The following TLE3 variants were observed in gnomAD, a reference collection of about 807,000 sequenced individuals.
TLE3 encodes the protein transducin-like enhancer protein 3.
A neutral mutation model predicts 93.0 loss-of-function variants in TLE3; 14 were observed. That is an observed-to-expected ratio of 0.15 (90% CI 0.10 to 0.24). The LOEUF (loss-of-function observed/expected upper bound fraction) is 0.24, where lower values mean the gene tolerates loss of function less well. Ranked by LOEUF, TLE3 falls within the 10% of genes least tolerant of loss-of-function variation. The pLI is 1.00. For synonymous variants in TLE3, 451 were observed against 425.0 expected, an observed-to-expected ratio of 1.06 and a Z score of -0.75; for missense variants, 693 against 1,046.6, an observed-to-expected ratio of 0.66 and a Z score of 4.66.
chr15:70,081,352 A>G (rs1406963911), intron 4 of TLE3, among the ~76,000 whole-genome samples: 1 of 152,256 alleles, frequency 6.6e-6, no homozygotes, highest in Non-Finnish European at 1.5e-5. Flanking sequence ...AGAAGAGCCA[A>G]GCCACCTTGA....
intron 9 of TLE3, among the ~76,000 whole-genome samples, chr15:70,060,281 C>T (rs1194050008): frequency 6.6e-6 from 1 of 152,140 alleles, no homozygotes; most frequent in Admixed American, 6.5e-5. Context: ...GGGAAGAGAC[C>T]CCATGGAGGC....
chr15:70,059,539 CCTT>C, intron 9 of TLE3, 79 bp from the exon 10 acceptor site: 1 of 1,433,810 alleles, frequency 7.0e-7, no homozygotes, highest in East Asian at 2.5e-5. Context: ...ACCACCCTGT[CCTT>C]CTACTGGCCA....
Position 70,097,761 on chromosome 15 carries a change from C to T in TLE3, c.-963G>A, listed in dbSNP as rs1163606844. On this transcript the variant is annotated 5_prime_UTR_variant, in exon 1 of 20. Coordinates refer to ENST00000451782, the MANE Select transcript of TLE3 (RefSeq NM_001105192.3). ...TCTCCTCTCCGCGCCCCGGCAAACC[C>T]CCAAAACACACACACCCAACACACA... The T allele has an allele frequency of 5.1e-6, 2 of 395,000 alleles. No homozygotes were observed. Among genetic ancestry groups the T allele is most frequent in the African/African-American group, 2.1e-5 (1 of 48,476 alleles). The allele number at this position is 395,000 out of a possible 1,614,324, so 24.5% of individuals were successfully genotyped here.
chr15:70,069,771 G>A (rs1233967657), intron 6 of TLE3, among the ~76,000 whole-genome samples: 2 of 152,372 alleles, frequency 1.3e-5, no homozygotes, highest in East Asian at 1.9e-4. Context: ...AGAGTGAAAC[G>A]AAGATTTTTC....
At chr15:70,059,332 A>AAT (rs1017713375) in intron 10 of TLE3, 78 bp downstream of exon 10, 2 of 1,512,674 alleles carry the variant, frequency 1.3e-6, no homozygotes, top group Non-Finnish European at 1.8e-6. Context: ...GAACAGACAG[A>AAT]ATAGATCCCA....
rs750647772 is a variant in TLE3 at position 70,059,473 on chromosome 15, G to C, written c.715-13C>G. 1 of 1,605,356 alleles carries C rather than the reference G, an allele frequency of 6.2e-7. No individual in the cohort carries two copies. The highest frequency in any genetic ancestry group is 1.1e-5 in the South Asian group (1 of 89,162). ...CTCCATCACTGTCCTGCAACCAAGA[G>C]AGAAGCCAACTGGTCAGTAAGAGGC... is the stretch of plus-strand genomic sequence containing the variant. On this transcript the variant is annotated splice_polypyrimidine_tract_variant and intron_variant, in intron 9 of 19. Transcript: ENST00000451782.
chr15:70,080,987 C>T (rs2057748321), intron 4 of TLE3, among the ~76,000 whole-genome samples: 2 of 152,268 alleles, frequency 1.3e-5, no homozygotes, highest in South Asian at 2.1e-4. Flanking sequence ...ACTGCCCTGT[C>T]GTGTGTACCT....
chr15:70,059,193 T>C (rs768461438), intron 10 of TLE3, among the ~76,000 whole-genome samples: 2 of 152,054 alleles, frequency 1.3e-5, no homozygotes, highest in African/African-American at 2.4e-5. Context: ...TGGAGACCCA[T>C]TGCAGGAGGC....
chr15:70,089,032 GCC>G (rs2058173470), intron 4 of TLE3, among the ~76,000 whole-genome samples: 3 of 152,158 alleles, frequency 2.0e-5, no homozygotes, highest in Non-Finnish European at 4.4e-5. Flanking sequence ...TCACCACCTC[GCC>G]TCACTTCCCA....
intron 4 of TLE3, among the ~76,000 whole-genome samples, chr15:70,089,105 C>G (rs2058180189): frequency 6.6e-6 from 1 of 152,238 alleles, no homozygotes; most frequent in Non-Finnish European, 1.5e-5. Flanking sequence ...TATCTCACTG[C>G]CTTGCCGCGA....
chr15:70,073,540 T>C lies in TLE3; in HGVS notation c.372+993A>G, dbSNP rs551430689. On this transcript the variant is annotated intron_variant, in intron 6 of 19. Coordinates refer to ENST00000451782, the MANE Select transcript of TLE3 (RefSeq NM_001105192.3). ...AGCCTAACTACACTTCAGAATGATCTAGAAATCGTTAGGAACACAGATTTC... is the reference window on the plus strand; with the variant it reads ...AGCCTAACTACACTTCAGAATGATCCAGAAATCGTTAGGAACACAGATTTC... Among the ~76,000 whole-genome samples the C allele has an allele frequency of 8.5e-5, 13 of 152,324 alleles. No homozygotes were observed. In the East Asian group the frequency reaches 2.5e-3, roughly 29 times the overall value.
intron 4 of TLE3, among the ~76,000 whole-genome samples, chr15:70,092,657 C>T (rs2058360337): frequency 6.6e-6 from 1 of 152,204 alleles, no homozygotes; most frequent in Non-Finnish European, 1.5e-5. Flanking sequence ...GCCAGAAATC[C>T]CAGATGTACA....
Position 70,058,753 on chromosome 15 carries a change from G to A in TLE3, c.828C>T (p.Ala276=), listed in dbSNP as rs1286152595. The change falls in exon 11 of 20, where the codon GCC becomes GCT. Residue 276 remains alanine (A), a synonymous_variant. Transcript: ENST00000451782. The surrounding 1 kb of genome is among the most constrained non-coding windows in gnomAD (Gnocchi z 4.1). ...TGGGGGCATCTTTTTTCAGGCTACG[G>A]GCCTTGTCCAGCCCATTTTCAGGAG... ...HSPPENGLDK[A]RSLKKDAPTS... is the part of the protein sequence containing the mutation. The A allele has an allele frequency of 4.3e-6, 7 of 1,610,750 alleles. No individual in the cohort carries two copies. Among genetic ancestry groups the A allele is most frequent in the Non-Finnish European group, 5.9e-6 (7 of 1,178,714 alleles).
intron 5 of TLE3, 100 bp from the exon 6 acceptor site, chr15:70,074,707 C>T: frequency 2.1e-6 from 2 of 945,816 alleles, no homozygotes; most frequent in East Asian, 2.8e-5. Context: ...AGGCCCAGAG[C>T]AGACAGAGGA....
Position 70,097,219 on chromosome 15 carries a change from C to T in TLE3, c.-421G>A. 2 of 404,224 alleles carry T rather than the reference C, an allele frequency of 4.9e-6. No individual in the cohort carries two copies. The highest frequency in any genetic ancestry group is 8.7e-6 in the Non-Finnish European group (2 of 231,028). The allele number at this position is 404,224 out of a possible 1,614,324, so 25.0% of individuals were successfully genotyped here. On this transcript the variant is annotated 5_prime_UTR_variant, in exon 1 of 20. Transcript: ENST00000451782. Reference sequence around the variant, plus strand: ...CTCGGGCCCCCTCCGGGTCACTCAGCGGGTCGCGCCTGTAGGGGGGCGCGC... The same window carrying T: ...CTCGGGCCCCCTCCGGGTCACTCAGTGGGTCGCGCCTGTAGGGGGGCGCGC...
intron 14 of TLE3, 93 bp downstream of exon 14, chr15:70,056,205 G>A: frequency 7.4e-7 from 1 of 1,358,046 alleles, no homozygotes; most frequent in South Asian, 1.2e-5. Context: ...GCAAACCCTT[G>A]GTCAGGGGAT....
At chr15:70,062,305 T>G (rs2056537049) in intron 8 of TLE3, among the ~76,000 whole-genome samples, 1 of 152,206 alleles carries the variant, frequency 6.6e-6, no homozygotes, top group Non-Finnish European at 1.5e-5. Flanking sequence ...TCATTTCCTC[T>G]GACGGTGGTG....
intron 4 of TLE3, among the ~76,000 whole-genome samples, chr15:70,093,295 G>A (rs2058386648): frequency 6.6e-6 from 1 of 152,130 alleles, no homozygotes; most frequent in Non-Finnish European, 1.5e-5. Context: ...CCAACACTGG[G>A]GGCTCCCTCC....
chr15:70,070,033 T>C (rs2057053517), intron 6 of TLE3, among the ~76,000 whole-genome samples: 1 of 152,272 alleles, frequency 6.6e-6, no homozygotes, highest in Admixed American at 6.5e-5. Context: ...AGAGACCGCC[T>C]GTCTCCAGCT....
Sources: gnomAD v4.1 joint callset for allele counts (sites outside exome capture counted in the v4.1 genomes callset) on GRCh38, gnomAD v4.1.1 for gene constraint, Gnocchi (gnomAD v3.1) non-coding constraint, MANE v1.5 for transcripts, NCBI Gene and HGNC (gene_info 2026-07-23, HGNC 2026-07-21) for gene names.